The following ADD2 variants were observed in gnomAD, a reference collection of about 807,000 sequenced individuals.
ADD2 encodes adducin 2, also known as beta-adducin.
A neutral mutation model predicts 83.0 loss-of-function variants in ADD2; 23 were observed. The ratio of observed to expected loss-of-function variants is 0.28; its 90% CI spans 0.20 to 0.39. ADD2 has a LOEUF of 0.39. Among genes scored for constraint, ADD2 ranks in the 10% least tolerant of loss-of-function variants. ADD2 has a pLI of 1.00. For missense variants in ADD2, 758 were observed against 944.9 expected, an observed-to-expected ratio of 0.80 and a Z score of 2.59; for synonymous variants, 375 against 375.4, an observed-to-expected ratio of 1.00 and a Z score of 0.01.
At chr2:70,695,531 C>T (rs1671264111) in intron 6 of ADD2, among the ~76,000 whole-genome samples, 190 bp downstream of exon 6, 2 of 152,196 alleles carry the variant, frequency 1.3e-5, no homozygotes, top group African/African-American at 2.4e-5. Context: ...GCCACCTCCT[C>T]CTGGCAATTG....
Position 70,704,811 on chromosome 2 carries a change from GA to G in ADD2, c.184-353del, listed in dbSNP as rs1553374150. Among the ~76,000 whole-genome samples, 80 of 152,282 alleles carry G rather than the reference GA, an allele frequency of 5.3e-4. 1 individual carries two copies. The highest frequency in any genetic ancestry group is 1.9e-3 in the African/African-American group (80 of 41,542). On this transcript the variant is annotated intron_variant, in intron 3 of 15. Transcript: ENST00000264436. ...ACATTTTTTTAGGCAGAACTGAATG[GA>G]GAGAGCCACCATCCCTCTCCATTAG...
intron 1 of ADD2, among the ~76,000 whole-genome samples, chr2:70,728,180 C>T (rs1273637130): frequency 5.3e-5 from 8 of 152,198 alleles, no homozygotes; most frequent in Admixed American, 2.0e-4. Context: ...GCTGGTCACT[C>T]TTGTCCGTCC....
chr2:70,675,351 C>G (rs1670080239), intron 13 of ADD2: 10 of 986,292 alleles, frequency 1.0e-5, no homozygotes, highest in Non-Finnish European at 1.2e-5. Flanking sequence ...AGTCCTGTTT[C>G]ACACACAGTT....
chr2:70,714,805 G>A (rs1457372277), intron 1 of ADD2, among the ~76,000 whole-genome samples: 1 of 152,204 alleles, frequency 6.6e-6, no homozygotes, highest in Non-Finnish European at 1.5e-5. Flanking sequence ...TTCCCCAGAA[G>A]GTCTGAGGCT....
At chr2:70,714,279 GTACCCCCACCC>G (rs1672349325) in intron 1 of ADD2, among the ~76,000 whole-genome samples, 2 of 152,134 alleles carry the variant, frequency 1.3e-5, no homozygotes, top group Admixed American at 6.5e-5. Context: ...GCATCCCTGA[GTACCCCCACCC>G]TACCGCCACC....
At chr2:70,750,105 T>C (rs1248255552) in intron 1 of ADD2, among the ~76,000 whole-genome samples, 1 of 152,200 alleles carries the variant, frequency 6.6e-6, no homozygotes, top group Non-Finnish European at 1.5e-5. Flanking sequence ...CAGAGTACAG[T>C]GTCTCCCAAA....
At chr2:70,738,648 C>A (rs140332065) in intron 1 of ADD2, among the ~76,000 whole-genome samples, 137 of 152,290 alleles carry the variant, frequency 9.0e-4, no homozygotes, top group African/African-American at 3.2e-3. Flanking sequence ...GCTGGTCATG[C>A]AACATGGCCA....
At chr2:70,674,519 T>G (rs1213324526) in intron 14 of ADD2, among the ~76,000 whole-genome samples, 159 bp downstream of exon 14, 2 of 152,212 alleles carry the variant, frequency 1.3e-5, no homozygotes, top group African/African-American at 4.8e-5. Flanking sequence ...ACCGAGTAAC[T>G]GTCAGGAACA....
Position 70,656,981 on chromosome 2 carries a change from G to T in ADD2, c.*6444C>A, listed in dbSNP as rs1477266375. On this transcript the variant is annotated 3_prime_UTR_variant, in exon 16 of 16. Transcript: ENST00000264436. Reference sequence around the variant, plus strand: ...GCTTTGGTGCTCAGAGATTCAAACAGAAAACTATACAAAACCAACCCATAA... The same window carrying T: ...GCTTTGGTGCTCAGAGATTCAAACATAAAACTATACAAAACCAACCCATAA... The T allele has an allele frequency of 1.3e-5, 2 of 150,622 alleles. No homozygotes were observed. Among genetic ancestry groups the T allele is most frequent in the Non-Finnish European group, 3.0e-5 (2 of 67,786 alleles). 9.3% of individuals were successfully genotyped at this position (150,622 alleles called of 1,614,324 possible).
intron 1 of ADD2, among the ~76,000 whole-genome samples, chr2:70,767,161 C>T (rs1384349712): frequency 1.3e-5 from 2 of 152,186 alleles, no homozygotes; most frequent in African/African-American, 4.8e-5. Flanking sequence ...CGACTCCCGC[C>T]TCCGGGACCG....
intron 1 of ADD2, among the ~76,000 whole-genome samples, chr2:70,719,418 A>G (rs1459585131): frequency 6.6e-6 from 1 of 152,196 alleles, no homozygotes; most frequent in African/African-American, 2.4e-5. Flanking sequence ...GTATAGGTTC[A>G]TGAAGGTCAC....
intron 15 of ADD2, among the ~76,000 whole-genome samples, chr2:70,665,618 C>T (rs1558515793): frequency 6.6e-6 from 1 of 152,154 alleles, no homozygotes. Context: ...CAGCCCATTC[C>T]CCTCTGGAAG....
intron 9 of ADD2, among the ~76,000 whole-genome samples, chr2:70,685,288 T>C (rs1354873831): frequency 1.3e-5 from 2 of 152,178 alleles, no homozygotes; most frequent in African/African-American, 4.8e-5. Flanking sequence ...TTAGAGTATG[T>C]TAAATTCATC....
intron 15 of ADD2, among the ~76,000 whole-genome samples, chr2:70,667,052 A>T (rs1279752256): frequency 6.6e-6 from 1 of 151,928 alleles, no homozygotes; most frequent in Non-Finnish European, 1.5e-5. Context: ...GATAGCCTAG[A>T]CCCCTCCTCT....
intron 1 of ADD2, among the ~76,000 whole-genome samples, chr2:70,738,005 A>G (rs1007600871): frequency 3.3e-5 from 5 of 152,202 alleles, no homozygotes; most frequent in Admixed American, 6.5e-5. Context: ...GCACACAGCC[A>G]ATAAGTGGCA....
At chr2:70,741,365 TTAAGAGTCTGATG>T (rs1357931586) in intron 1 of ADD2, 3 of 152,214 alleles carry the variant, frequency 2.0e-5, no homozygotes, top group African/African-American at 7.2e-5. Flanking sequence ...AATCCTTTGA[TTAAGAGTCTGATG>T]TGCAGAAGAG....
chr2:70,712,008 G>C (rs1299415809), intron 2 of ADD2, among the ~76,000 whole-genome samples: 3 of 152,132 alleles, frequency 2.0e-5, no homozygotes, highest in African/African-American at 7.2e-5. Context: ...GTTCATGTCA[G>C]AATTGAATTG....
chr2:70,751,305 C>T (rs1553382907), intron 1 of ADD2, among the ~76,000 whole-genome samples: 1 of 152,170 alleles, frequency 6.6e-6, no homozygotes, highest in Non-Finnish European at 1.5e-5. Flanking sequence ...GAGGTCGGAG[C>T]AGCAGGCCCT....
chr2:70,658,844 C>T lies in ADD2; in HGVS notation c.*4581G>A, dbSNP rs1675443660. ...TCCCAAAACTAGAACATAAAATTCA[C>T]ACAAAAGAAAAAACGTGTCAGCTGG... On this transcript the variant is annotated 3_prime_UTR_variant, in exon 16 of 16. Coordinates refer to ENST00000264436, the MANE Select transcript of ADD2 (RefSeq NM_001617.4). The T allele has an allele frequency of 6.6e-6, 1 of 152,062 alleles. No homozygotes were observed. The highest frequency in any genetic ancestry group is 1.5e-5 in the Non-Finnish European group (1 of 68,006). 9.4% of individuals were successfully genotyped at this position (152,062 alleles called of 1,614,324 possible).
Sources: gnomAD v4.1 joint callset for allele counts (sites outside exome capture counted in the v4.1 genomes callset) on GRCh38, gnomAD v4.1.1 for gene constraint, MANE v1.5 for transcripts, NCBI Gene and HGNC (gene_info 2026-07-23, HGNC 2026-07-21) for gene names.